The following C2CD5 variants were observed in gnomAD, a reference collection of about 807,000 sequenced individuals.
C2CD5 encodes C2 calcium dependent domain containing 5.
C2CD5 carries 109 observed loss-of-function variants against 130.3 expected under a neutral mutation model. The ratio of observed to expected loss-of-function variants is 0.84; its 90% CI spans 0.72 to 0.98. C2CD5 has a LOEUF of 0.98. Among genes scored for constraint, C2CD5 ranks in the 50% least tolerant of loss-of-function variants. The pLI, the probability that C2CD5 is intolerant of heterozygous loss-of-function variation, is 0.00. For synonymous variants in C2CD5, 454 were observed against 429.2 expected (o/e 1.06, Z -0.71); for missense variants, 996 against 1,261.8 (o/e 0.79, Z 3.19).
chr12:22,526,368 A>G (rs776219889), intron 4 of C2CD5, among the ~76,000 whole-genome samples: 4 of 152,192 alleles, frequency 2.6e-5, no homozygotes, highest in Non-Finnish European at 4.4e-5. Flanking sequence ...CATCAACCCA[A>G]TAAGGTAGTA....
At chr12:22,510,390 A>G (rs1168283789) in intron 9 of C2CD5, among the ~76,000 whole-genome samples, 4 of 152,232 alleles carry the variant, frequency 2.6e-5, no homozygotes, top group Admixed American at 2.0e-4. Context: ...AGCCAAGGGC[A>G]GGCAGCATAA....
chr12:22,466,718 A>G (rs1002214644), intron 22 of C2CD5, among the ~76,000 whole-genome samples: 1 of 152,250 alleles, frequency 6.6e-6, no homozygotes, highest in African/African-American at 2.4e-5. Flanking sequence ...ACAATTTACA[A>G]AACTACAGAA....
chr12:22,526,810 G>A (rs1014529638), intron 4 of C2CD5, among the ~76,000 whole-genome samples: 1 of 152,188 alleles, frequency 6.6e-6, no homozygotes, highest in Admixed American at 6.5e-5. Flanking sequence ...TCACTTGACT[G>A]TCCTGACTTC....
At chr12:22,453,270 AC>A in intron 26 of C2CD5, among the ~76,000 whole-genome samples, 1 of 152,284 alleles carries the variant, frequency 6.6e-6, no homozygotes, top group African/African-American at 2.4e-5. Flanking sequence ...ATCACAGTGT[AC>A]CAGTGGACCA....
chr12:22,474,829 T>C lies in C2CD5; in HGVS notation c.1965A>G (p.Leu655=). Residue 655 remains leucine, a synonymous_variant, in exon 16 of 27, where the codon CTA becomes CTG. Transcript: ENST00000446597. The part of the protein sequence containing the change: ...IPEPRQRSRL[L]RSQSESSDEV... ...CATCCGAGCTTTCTGATTGAGATCT[T>C]AGAAGTCTTGAGCGTTGCCTAGGTT... 6.2e-7 allele frequency: 1 copy of C among 1,609,998 alleles called. No homozygotes were observed. The highest frequency in any genetic ancestry group is 8.5e-7 in the Non-Finnish European group (1 of 1,177,330).
intron 5 of C2CD5, 54 bp downstream of exon 5, chr12:22,525,556 T>C: frequency 1.1e-6 from 1 of 874,416 alleles, no homozygotes; most frequent in South Asian, 1.4e-5. Flanking sequence ...ACTTGATTTC[T>C]CATATTTAAC....
intron 14 of C2CD5, 120 bp from the exon 15 acceptor site, chr12:22,478,597 G>A: frequency 2.5e-6 from 2 of 816,282 alleles, no homozygotes; most frequent in Non-Finnish European, 3.8e-6. Context: ...TGTAATCCCA[G>A]TACTTTGGGA....
chr12:22,518,510 ATTGTT>A (rs1341421106), intron 7 of C2CD5, among the ~76,000 whole-genome samples: 4 of 152,234 alleles, frequency 2.6e-5, no homozygotes, highest in African/African-American at 4.8e-5. Context: ...AATATTCATA[ATTGTT>A]TTTATATTTG....
chr12:22,507,198 C>G (rs1370918783), intron 9 of C2CD5, among the ~76,000 whole-genome samples: 5 of 152,068 alleles, frequency 3.3e-5, no homozygotes, highest in Admixed American at 1.3e-4. Flanking sequence ...GTGGTTTAGA[C>G]ACCCCCTTCA....
chr12:22,476,401 G>A (rs1592001992), intron 15 of C2CD5, among the ~76,000 whole-genome samples: 1 of 152,190 alleles, frequency 6.6e-6, no homozygotes, highest in Non-Finnish European at 1.5e-5. Context: ...AATAAGGAAA[G>A]ACATATTAGA....
chr12:22,508,911 C>A (rs1478666166), intron 9 of C2CD5, among the ~76,000 whole-genome samples: 1 of 151,042 alleles, frequency 6.6e-6, no homozygotes, highest in African/African-American at 2.4e-5. Flanking sequence ...GCTCTGTCGC[C>A]CAGGCCAGAC....
intron 3 of C2CD5, among the ~76,000 whole-genome samples, chr12:22,533,383 T>C (rs1225143770): frequency 6.6e-6 from 1 of 152,244 alleles, no homozygotes; most frequent in Non-Finnish European, 1.5e-5. Flanking sequence ...TGGGCTATAA[T>C]AAGCAGTCTG....
chr12:22,458,568 T>A lies in C2CD5; in HGVS notation c.2602A>T (p.Ser868Cys). The change falls in exon 24 of 27, where the codon AGT becomes TGT. Residue 868 changes from serine (S) to cysteine (C), a missense_variant. By Grantham distance (112) the Ser-to-Cys change is moderately radical. Coordinates refer to ENST00000446597, the MANE Select transcript of C2CD5 (RefSeq NM_001286176.2). Reference protein sequence around the residue: ...AAQRATSVDYSSFADRCSSWI... With the variant: ...AAQRATSVDYCSFADRCSSWI... ...CTGCTGCATCTGTCTGCAAAGGAAC[T>A]GTAATCAACTGACGTTGCTGAAAAC... 7.8e-7 allele frequency: 1 copy of A among 1,280,082 alleles called. No homozygotes were observed. 79.3% of individuals were successfully genotyped at this position (1,280,082 alleles called of 1,614,324 possible). A position where few individuals can be genotyped will look rare whatever the true frequency, so the allele number is the denominator to read the frequency against.
In C2CD5 at chr12:22,459,483, C is replaced by CA. The variant is rs1940666989; in HGVS notation, c.2584+8dup. Reference sequence around the variant, plus strand: ...TTTGGTGACTATTTGCTTAATTAGACAAACTCACCTCTCTGTGCAGCTGGT... The same window carrying CA: ...TTTGGTGACTATTTGCTTAATTAGACAAAACTCACCTCTCTGTGCAGCTGGT... On this transcript the variant is annotated intron_variant, in intron 23 of 26. Transcript: ENST00000446597. 1 of 1,521,292 alleles carries CA rather than the reference C, an allele frequency of 6.6e-7. No homozygotes were observed. Among genetic ancestry groups the CA allele is most frequent in the Non-Finnish European group, 8.8e-7 (1 of 1,133,844 alleles). The allele number at this position is 1,521,292 out of a possible 1,614,324, so 94.2% of individuals were successfully genotyped here.
At chr12:22,528,287 T>TGACACCACAA (rs1950908103) in intron 3 of C2CD5, among the ~76,000 whole-genome samples, 1 of 152,184 alleles carries the variant, frequency 6.6e-6, no homozygotes, top group African/African-American at 2.4e-5. Context: ...GACACCACAA[T>TGACACCACAA]TTCTAAGGGC....
intron 12 of C2CD5, among the ~76,000 whole-genome samples, chr12:22,485,422 T>G (rs1452540557): frequency 6.6e-6 from 1 of 151,946 alleles, no homozygotes; most frequent in Non-Finnish European, 1.5e-5. Context: ...AATTGATAAT[T>G]TAATTGTACA....
intron 24 of C2CD5, among the ~76,000 whole-genome samples, chr12:22,458,189 T>A (rs922650265): frequency 2.6e-5 from 4 of 152,208 alleles, no homozygotes; most frequent in Non-Finnish European, 5.9e-5. Flanking sequence ...GTCTTTTCAA[T>A]AAGAGAGTTG....
At chr12:22,469,572 G>A in intron 22 of C2CD5, 137 bp downstream of exon 22, 1 of 493,376 alleles carries the variant, frequency 2.0e-6, no homozygotes, top group Non-Finnish European at 3.6e-6. Flanking sequence ...TCCCCTTTAT[G>A]AATATGAAGA....
chr12:22,544,265 AGCGCGCGGGG>A (rs1241020784), intron 1 of C2CD5, 45 bp downstream of exon 1: 8 of 994,714 alleles, frequency 8.0e-6, no homozygotes, highest in South Asian at 1.8e-5. Flanking sequence ...ACAGCGAAGG[AGCGCGCGGGG>A]GCGCGCGCGG....
Sources: gnomAD v4.1 joint callset for allele counts (sites outside exome capture counted in the v4.1 genomes callset) on GRCh38, gnomAD v4.1.1 for gene constraint, MANE v1.5 for transcripts, NCBI Gene and HGNC (gene_info 2026-07-23, HGNC 2026-07-21) for gene names.